The following GLG1 variants were observed in gnomAD, a reference collection of about 807,000 sequenced individuals.
The protein encoded by GLG1 is golgi glycoprotein 1.
Under a neutral mutation model 160.5 loss-of-function variants are expected in GLG1, and 38 were observed. That is an observed-to-expected ratio of 0.24 (90% confidence interval 0.18 to 0.31). The LOEUF (loss-of-function observed/expected upper bound fraction) is 0.31. Ranked by LOEUF, GLG1 falls within the 10% of genes least tolerant of loss-of-function variation. The pLI, the probability that GLG1 is intolerant of heterozygous loss-of-function variation, is 1.00. For synonymous variants in GLG1, 644 were observed against 543.4 expected, an observed-to-expected ratio of 1.19 and a Z score of -2.57; for missense variants, 1,373 against 1,505.2, an observed-to-expected ratio of 0.91 and a Z score of 1.45.
chr16:74,494,208 T>TA lies in GLG1; in HGVS notation c.1050+551dup, dbSNP rs1295313516. ...AAAAACAAAACAAAACAAAAACACC[T>TA]AAAAAAACCACCACAGTGAGAACCC... On this transcript the variant is annotated intron_variant, in intron 6 of 25. Transcript: ENST00000422840. 1.5e-4 allele frequency among the ~76,000 whole-genome samples: 23 copies of TA among 151,040 alleles called. No individual in the cohort carries two copies. The East Asian group carries it at 1.8e-3, about 12-fold the overall frequency.
intron 1 of GLG1, among the ~76,000 whole-genome samples, chr16:74,594,752 GTTTTT>G (rs1958261275): frequency 8.8e-6 from 1 of 114,054 alleles, no homozygotes; most frequent in African/African-American, 2.8e-5. Context: ...GTTTTGTTTT[GTTTTT>G]GAGACAGACT....
intron 18 of GLG1, 87 bp downstream of exon 18, chr16:74,467,668 GT>G: frequency 1.1e-6 from 1 of 873,208 alleles, no homozygotes; most frequent in Non-Finnish European, 1.9e-6. Context: ...TGACTAAAAT[GT>G]TACCTTATGG....
chr16:74,461,954 C>G (rs1399289532), intron 22 of GLG1, 140 bp downstream of exon 22: 1 of 586,546 alleles, frequency 1.7e-6, no homozygotes, highest in Non-Finnish European at 3.0e-6. Context: ...AACAGGAATG[C>G]AGACCATGGA....
Position 74,480,257 on chromosome 16 carries a change from T to G in GLG1, c.1811A>C (p.Glu604Ala). The change falls in exon 11 of 26, where the codon GAG (glutamate) becomes GCG (alanine). Residue 604 changes from glutamate to alanine, a missense_variant. By Grantham distance (107) the Glu-to-Ala change is moderately radical. Coordinates refer to ENST00000422840, the MANE Select transcript of GLG1 (RefSeq NM_001145667.2). Reference protein sequence around the residue: ...SCLYRHAYRTEEQGRRLSREC... With the variant: ...SCLYRHAYRTAEQGRRLSREC... ...ACTGCATACCCTCCTTCCCTGTTCC[T>G]CAGTGCGGTAGGCGTGTCTGTATAA... The G allele has an allele frequency of 6.2e-7, 1 of 1,611,628 alleles. No individual in the cohort carries two copies. Among genetic ancestry groups the G allele is most frequent in the South Asian group, 1.1e-5 (1 of 90,992 alleles).
At chr16:74,549,491 T>G in intron 1 of GLG1, among the ~76,000 whole-genome samples, 1 of 152,210 alleles carries the variant, frequency 6.6e-6, no homozygotes, top group East Asian at 1.9e-4. Context: ...TTTCACTGTG[T>G]TAGCCAGGAT....
At chr16:74,565,725 G>C (rs1181895766) in intron 1 of GLG1, among the ~76,000 whole-genome samples, 1 of 152,198 alleles carries the variant, frequency 6.6e-6, no homozygotes, top group Non-Finnish European at 1.5e-5. Flanking sequence ...TCGAGAGGCT[G>C]CCTGATTCGC....
rs548628143 is a variant in GLG1 at position 74,577,045 on chromosome 16, C to T, written c.438+29612G>A. On this transcript the variant is annotated intron_variant, in intron 1 of 25. Transcript: ENST00000422840. ...CAAACAATCCTCTTGCCTCAGCCTT[C>T]CAGGCAACTAGCACCATAGGTGCAT... is the stretch of plus-strand genomic sequence containing the variant. 7.2e-5 allele frequency among the ~76,000 whole-genome samples: 11 copies of T among 152,118 alleles called. No individual in the cohort carries two copies. In the East Asian group the frequency reaches 1.9e-3, roughly 27 times the overall value.
Position 74,459,782 on chromosome 16 carries a change from C to T in GLG1, c.3044G>A (p.Ser1015Asn). 2 of 1,583,154 alleles carry T rather than the reference C, an allele frequency of 1.3e-6. No individual in the cohort carries two copies. Among genetic ancestry groups the T allele is most frequent in the Non-Finnish European group, 1.7e-6 (2 of 1,155,212 alleles). ...GGCTGCTGCTTCTTCAGCACATAGA[C>T]TGGAGATCTGTTCAGGAGACACAAA... Reference protein sequence around the residue: ...LQLHCSDEISSLCAEEAAAQE... With the variant: ...LQLHCSDEISNLCAEEAAAQE... The change falls in exon 23 of 26, where the codon AGT (serine) becomes AAT (asparagine). Residue 1015 changes from serine (S) to asparagine (N), a missense_variant. This residue lies in a region of GLG1 where 491 missense variants were observed against 632.1 expected (regional missense o/e 0.78). Transcript: ENST00000422840.
intron 1 of GLG1, among the ~76,000 whole-genome samples, chr16:74,594,304 AAT>A (rs779674105): frequency 6.6e-6 from 1 of 152,224 alleles, no homozygotes; most frequent in Non-Finnish European, 1.5e-5. Flanking sequence ...ACCCATTTTT[AAT>A]ATGATTCACC....
chr16:74,534,786 A>C (rs985197749), intron 1 of GLG1, among the ~76,000 whole-genome samples: 1 of 152,160 alleles, frequency 6.6e-6, no homozygotes, highest in Non-Finnish European at 1.5e-5. Context: ...AGATAGCAAA[A>C]GAGATGAAAA....
Position 74,590,493 on chromosome 16 carries a change from C to T in GLG1, c.438+16164G>A, listed in dbSNP as rs199760295. 7.9e-5 allele frequency among the ~76,000 whole-genome samples: 12 copies of T among 151,012 alleles called. No individual in the cohort carries two copies. The East Asian group carries it at 2.4e-3, about 30-fold the overall frequency. On this transcript the variant is annotated intron_variant, in intron 1 of 25. Transcript: ENST00000422840. ...AAAAATAGCCAGGCGTAGTGGCGGG[C>T]GCCTGTAGTCCCAGCTACTCAGAAG... is the stretch of plus-strand genomic sequence containing the variant.
intron 2 of GLG1, among the ~76,000 whole-genome samples, chr16:74,509,452 G>A (rs1311421958): frequency 6.6e-6 from 1 of 151,980 alleles, no homozygotes; most frequent in Non-Finnish European, 1.5e-5. Flanking sequence ...GGTGGATTCA[G>A]TCTCAGATCT....
intron 1 of GLG1, among the ~76,000 whole-genome samples, chr16:74,570,944 T>A (rs986604627): frequency 6.6e-6 from 1 of 151,920 alleles, no homozygotes; most frequent in Non-Finnish European, 1.5e-5. Context: ...TCACTCTTTG[T>A]GTTTTTTTGG....
intron 1 of GLG1, among the ~76,000 whole-genome samples, chr16:74,565,162 CT>C (rs1332778733): frequency 1.3e-5 from 2 of 152,022 alleles, no homozygotes; most frequent in Admixed American, 6.6e-5. Context: ...AAATCTGTCT[CT>C]ACTAAAAATA....
intron 1 of GLG1, among the ~76,000 whole-genome samples, chr16:74,560,251 C>T (rs998668983): frequency 9.2e-5 from 14 of 151,860 alleles, no homozygotes; most frequent in Non-Finnish European, 1.8e-4. Flanking sequence ...AAGGCTGAAG[C>T]TCCCCCAGGA....
chr16:74,480,200 A>C, intron 11 of GLG1, 41 bp downstream of exon 11: 1 of 1,515,262 alleles, frequency 6.6e-7, no homozygotes, highest in South Asian at 1.1e-5. Flanking sequence ...TTAAAAAACA[A>C]ATGACAAGAA....
chr16:74,583,591 G>C (rs1252254331), intron 1 of GLG1, among the ~76,000 whole-genome samples: 1 of 152,156 alleles, frequency 6.6e-6, no homozygotes, highest in African/African-American at 2.4e-5. Flanking sequence ...TGTTGGCCAG[G>C]CTGGTCTTGA....
intron 1 of GLG1, among the ~76,000 whole-genome samples, chr16:74,567,207 GAGAC>G (rs1254885940): frequency 1.4e-5 from 2 of 143,038 alleles, no homozygotes; most frequent in African/African-American, 4.9e-5. Context: ...CGGGGAGAGA[GAGAC>G]AGAGAGAGAG....
At chr16:74,533,253 G>A (rs1460757381) in intron 1 of GLG1, among the ~76,000 whole-genome samples, 2 of 151,908 alleles carry the variant, frequency 1.3e-5, no homozygotes, top group Non-Finnish European at 2.9e-5. Flanking sequence ...CCCGGGAGGC[G>A]GAGCTTGCAG....
Sources: allele counts gnomAD v4.1 joint callset (sites outside exome capture counted in the v4.1 genomes callset), GRCh38; gene constraint gnomAD v4.1.1; regional missense constraint gnomAD v4.1.1; transcripts MANE v1.5; gene names NCBI Gene and HGNC (gene_info 2026-07-23, HGNC 2026-07-21).